IL1RAPL2: variants seen among roughly 807,000 people sequenced by gnomAD.
IL1RAPL2 encodes the protein X-linked interleukin-1 receptor accessory protein-like 2.
In IL1RAPL2, 3 loss-of-function variants were observed where a neutral mutation model predicts 44.1. The observed-to-expected ratio is 0.07, with a 90% confidence interval of 0.03 to 0.18. The LOEUF is 0.18. Ranked by LOEUF, IL1RAPL2 falls within the 10% of genes least tolerant of loss-of-function variation. The pLI, the probability that IL1RAPL2 is intolerant of heterozygous loss-of-function variation, is 1.00. For synonymous variants in IL1RAPL2, 181 were observed against 178.8 expected (o/e 1.01, Z -0.10); for missense variants, 391 against 496.4 (o/e 0.79, Z 2.02).
intron 6 of IL1RAPL2, among the ~76,000 whole-genome samples, chrX:105,488,639 A>G (rs1386460349): frequency 1.8e-5 from 2 of 112,110 alleles, no homozygotes; most frequent in African/African-American, 6.5e-5. Flanking sequence ...TATTTTTCCC[A>G]TGGACAAGAA....
chrX:105,642,308 T>C (rs1226827062), intron 6 of IL1RAPL2, among the ~76,000 whole-genome samples: 1 of 112,194 alleles, frequency 8.9e-6, no homozygotes, highest in Non-Finnish European at 1.9e-5. Flanking sequence ...CCAAGTAATA[T>C]ACAGATGCAA....
intron 2 of IL1RAPL2, among the ~76,000 whole-genome samples, chrX:104,875,743 T>C (rs1922884951): frequency 2.7e-5 from 3 of 111,997 alleles, no homozygotes; most frequent in African/African-American, 9.7e-5. Context: ...CCATCCACCT[T>C]ACACACATAC....
At chrX:105,643,626 C>G (rs1378775688) in intron 6 of IL1RAPL2, among the ~76,000 whole-genome samples, 1 of 111,955 alleles carries the variant, frequency 8.9e-6, no homozygotes, top group African/African-American at 3.3e-5. Context: ...TTTATCTGCT[C>G]AGGCCTAGAA....
In IL1RAPL2 at chrX:104,761,848, T is replaced by C. The variant is rs28820883; in HGVS notation, c.82+102853T>C. ...TTCTCCTTCTTCTCCTTCTCCTTCT[T>C]CTCCTTCTCCTTCTCCTTCTCCTTC... On this transcript the variant is annotated intron_variant, in intron 2 of 10. Coordinates refer to ENST00000372582, the MANE Select transcript of IL1RAPL2 (RefSeq NM_017416.2). Among the ~76,000 whole-genome samples the C allele has an allele frequency of 1.9e-3, 79 of 40,739 alleles. No homozygotes were observed. The East Asian group carries it at 0.062, about 32-fold the overall frequency. 35.4% of individuals were successfully genotyped at this position (40,739 alleles called of 115,157 possible). A position where few individuals can be genotyped will look rare whatever the true frequency, so the allele number is the denominator to read the frequency against.
At chrX:105,450,046 A>G (rs1309055301) in intron 5 of IL1RAPL2, among the ~76,000 whole-genome samples, 1 of 111,564 alleles carries the variant, frequency 9.0e-6, no homozygotes, top group Non-Finnish European at 1.9e-5. Flanking sequence ...GGAGTCAAAA[A>G]CCTTAGCAGT....
At chrX:105,189,333 C>T (rs781801749) in intron 2 of IL1RAPL2, among the ~76,000 whole-genome samples, 1 of 112,268 alleles carries the variant, frequency 8.9e-6, no homozygotes, top group South Asian at 3.7e-4. Flanking sequence ...ACCTCTGCCT[C>T]CCGGTCCCAA....
chrX:105,213,291 A>G (rs1432120725), intron 3 of IL1RAPL2, among the ~76,000 whole-genome samples: 1 of 109,251 alleles, frequency 9.2e-6, no homozygotes, highest in African/African-American at 3.3e-5. Flanking sequence ...AAATGACCTG[A>G]TGGAGCTGAA....
intron 6 of IL1RAPL2, among the ~76,000 whole-genome samples, chrX:105,716,370 C>T (rs997360290): frequency 8.9e-6 from 1 of 112,160 alleles, no homozygotes; most frequent in Admixed American, 9.4e-5. Flanking sequence ...AAACATTCCT[C>T]CCAGGAGAAA....
chrX:105,591,383 A>AT (rs1290897882), intron 6 of IL1RAPL2, among the ~76,000 whole-genome samples: 3 of 109,689 alleles, frequency 2.7e-5, no homozygotes, highest in Non-Finnish European at 5.7e-5. Context: ...GGTGTCTTCG[A>AT]TTTTTTGTGT....
chrX:105,363,566 T>C (rs115914575), intron 5 of IL1RAPL2, among the ~76,000 whole-genome samples: 3,904 of 108,036 alleles, frequency 0.036, 206 homozygotes, highest in African/African-American at 0.12. Context: ...CCACCAACAG[T>C]ATAAAAGGGT....
intron 2 of IL1RAPL2, among the ~76,000 whole-genome samples, chrX:105,079,874 C>T (rs1426016753): frequency 1.3e-4 from 14 of 111,172 alleles, no homozygotes; most frequent in Non-Finnish European, 2.6e-4. Context: ...TGTTTCCTGA[C>T]TTTTTAATAA....
chrX:104,896,872 G>A (rs1009743929), intron 2 of IL1RAPL2, among the ~76,000 whole-genome samples: 5 of 111,229 alleles, frequency 4.5e-5, no homozygotes, highest in Non-Finnish European at 9.4e-5. Flanking sequence ...CAAACCCACT[G>A]AGAGGAATAA....
chrX:105,004,440 T>A (rs1240964882), intron 2 of IL1RAPL2, among the ~76,000 whole-genome samples: 2 of 110,304 alleles, frequency 1.8e-5, no homozygotes, highest in Non-Finnish European at 3.8e-5. Context: ...TCAAAAAAAA[T>A]TCCCATCTTG....
At chrX:104,706,905 G>A (rs1931371832) in intron 2 of IL1RAPL2, among the ~76,000 whole-genome samples, 1 of 111,487 alleles carries the variant, frequency 9.0e-6, no homozygotes, top group African/African-American at 3.3e-5. Context: ...GTGCAGATAT[G>A]ACATTATTAA....
chrX:105,672,946 G>A (rs2037836642), intron 6 of IL1RAPL2, among the ~76,000 whole-genome samples: 2 of 111,244 alleles, frequency 1.8e-5, no homozygotes, highest in Admixed American at 1.9e-4. Flanking sequence ...TCAGTAACAA[G>A]TCTGGTGTAT....
intron 7 of IL1RAPL2, among the ~76,000 whole-genome samples, chrX:105,727,644 C>A (rs1394826419): frequency 3.6e-5 from 4 of 111,421 alleles, no homozygotes; most frequent in African/African-American, 1.3e-4. Context: ...AATTTGGAAT[C>A]TGCCTGCTAA....
intron 2 of IL1RAPL2, among the ~76,000 whole-genome samples, chrX:104,926,405 T>C (rs1924773417): frequency 8.9e-6 from 1 of 111,877 alleles, no homozygotes; most frequent in Non-Finnish European, 1.9e-5. Flanking sequence ...CATGATTTCC[T>C]AGACAAAAAT....
rs780427958 is a variant in IL1RAPL2, at chrX:105,753,785, A to G, written c.1193-1392A>G. On this transcript the variant is annotated intron_variant, in intron 9 of 10. Transcript: ENST00000372582. ...GCCTTTTGCAGCCAGAAAAGATGCT[A>G]AAGAGTATTAACCCTTTCTCCTTCC... Among the ~76,000 whole-genome samples, 75 of 112,121 alleles carry G rather than the reference A, an allele frequency of 6.7e-4. No individual in the cohort carries two copies. The Middle Eastern group carries it at 0.018, about 27-fold the overall frequency.
At chrX:105,388,670 C>T (rs1333694537) in intron 5 of IL1RAPL2, among the ~76,000 whole-genome samples, 3 of 111,014 alleles carry the variant, frequency 2.7e-5, no homozygotes, top group Non-Finnish European at 5.7e-5. Context: ...CCCTCAATCT[C>T]TCAGTCAATT....
Sources: allele counts gnomAD v4.1 joint callset (sites outside exome capture counted in the v4.1 genomes callset), GRCh38; gene constraint gnomAD v4.1.1; transcripts MANE v1.5; gene names NCBI Gene and HGNC (gene_info 2026-07-23, HGNC 2026-07-21).